Variants in GFPT2 observed in about 807,000 individuals in gnomAD.
GFPT2 encodes the protein glutamine--fructose-6-phosphate transaminase 2.
A neutral mutation model predicts 85.6 loss-of-function variants in GFPT2; 62 were observed. The ratio of observed to expected loss-of-function variants is 0.72; its 90% CI spans 0.59 to 0.90. The LOEUF (loss-of-function observed/expected upper bound fraction) is 0.90, where lower values mean the gene tolerates loss of function less well. Among genes scored for constraint, GFPT2 ranks in the 40% least tolerant of loss-of-function variants. GFPT2 has a pLI of 0.00. For synonymous variants in GFPT2, 368 were observed against 344.5 expected (o/e 1.07, Z -0.75); for missense variants, 788 against 893.4 (o/e 0.88, Z 1.50).
At chr5:180,317,598 A>C (rs1561875830) in intron 10 of GFPT2, among the ~76,000 whole-genome samples, 1 of 148,144 alleles carries the variant, frequency 6.8e-6, no homozygotes, top group Non-Finnish European at 1.5e-5. Flanking sequence ...TCTCTACTAA[A>C]AATACAAAAA....
Position 180,328,354 on chromosome 5 carries a change from C to A in GFPT2, c.535-16G>T. ...ATGCACCTTCCTGAAAACACACAAA[C>A]AGTGAGGGTCAACGCGTTCCAGCAG... On this transcript the variant is annotated splice_polypyrimidine_tract_variant and intron_variant, in intron 6 of 18. Coordinates refer to ENST00000253778, the MANE Select transcript of GFPT2 (RefSeq NM_005110.4). The surrounding 1 kb of genome is among the most constrained non-coding windows in gnomAD (Gnocchi z 5.4). 1 of 1,605,114 alleles carries A rather than the reference C, an allele frequency of 6.2e-7. No individual in the cohort carries two copies. Among genetic ancestry groups the A allele is most frequent in the Non-Finnish European group, 8.5e-7 (1 of 1,172,262 alleles).
rs375659031 is a variant in GFPT2 at position 180,304,847 on chromosome 5, G to A, written c.1767C>T (p.Pro589=). Residue 589 remains proline, a synonymous_variant, in exon 17 of 19, where the codon CCC becomes CCT. Transcript: ENST00000253778. ...GATCCTTCATAATGACCATGATGACGGGCATCTGCTTGTCAATCAGTGCCA... is the reference window on the plus strand; with the variant it reads ...GATCCTTCATAATGACCATGATGACAGGCATCTGCTTGTCAATCAGTGCCA... ...GPLALIDKQM[P]VIMVIMKDPC... 3.2e-5 allele frequency: 52 copies of A among 1,613,434 alleles called. No homozygotes were observed. Among genetic ancestry groups the A allele is most frequent in the Middle Eastern group, 3.3e-4 (2 of 6,076 alleles).
chr5:180,336,817 T>G (rs572492624), intron 2 of GFPT2, among the ~76,000 whole-genome samples: 9 of 152,244 alleles, frequency 5.9e-5, no homozygotes, highest in Non-Finnish European at 1.2e-4. Flanking sequence ...TGCTCCTGCC[T>G]AGCTAGGGTG....
chr5:180,328,914 G>C lies in GFPT2; in HGVS notation c.535-576C>G, dbSNP rs1302847810. On this transcript the variant is annotated intron_variant, in intron 6 of 18. Coordinates refer to ENST00000253778, the MANE Select transcript of GFPT2 (RefSeq NM_005110.4). The surrounding 1 kb of genome is among the most constrained non-coding windows in gnomAD (Gnocchi z 5.4). The stretch of plus-strand genomic sequence containing the variant: ...ATCCGGAGACCCAAGAGAAGCACAG[G>C]TTGTCATGACCGTTACTGCTATTAT... 6.6e-6 allele frequency among the ~76,000 whole-genome samples: 1 copy of C among 152,210 alleles called. No individual in the cohort carries two copies. Among genetic ancestry groups the C allele is most frequent in the East Asian group, 1.9e-4 (1 of 5,200 alleles).
chr5:180,306,942 T>C (rs1488048481), intron 16 of GFPT2, among the ~76,000 whole-genome samples: 1 of 152,186 alleles, frequency 6.6e-6, no homozygotes, highest in Non-Finnish European at 1.5e-5. Flanking sequence ...TGTCCCTTTC[T>C]CCTCAGTAGA....
In GFPT2 at chr5:180,317,015, T is replaced by A. The variant is rs1402597116; in HGVS notation, c.1002A>T (p.Pro334=). Residue 334 remains proline, a synonymous_variant, in exon 11 of 19, where the codon CCA becomes CCT. Coordinates refer to ENST00000253778, the MANE Select transcript of GFPT2 (RefSeq NM_005110.4). ...CTCTCATAGTATTGAAAACTGATTC[T>A]GGCTGTTCGAAGATCTCCTTCTGCA... ...AFMQKEIFEQ[P]ESVFNTMRGR... 1.9e-6 allele frequency: 3 copies of A among 1,612,398 alleles called. No homozygotes were observed. The South Asian group carries it at 3.3e-5, about 18-fold the overall frequency.
At chr5:180,324,391 T>C in intron 8 of GFPT2, 86 bp from the exon 9 acceptor site, 3 of 802,134 alleles carry the variant, frequency 3.7e-6, no homozygotes, top group Middle Eastern at 2.7e-4. Context: ...CCCCTCTGAA[T>C]ATGTGTGGGA....
chr5:180,342,732 T>G (rs1254241591), intron 1 of GFPT2, among the ~76,000 whole-genome samples: 1 of 152,050 alleles, frequency 6.6e-6, no homozygotes, highest in Non-Finnish European at 1.5e-5. Flanking sequence ...AAACCCTGTC[T>G]GAACTTAAAA....
chr5:180,305,017 A>C, intron 16 of GFPT2, 78 bp from the exon 17 acceptor site: 1 of 1,012,202 alleles, frequency 9.9e-7, no homozygotes, highest in Non-Finnish European at 1.5e-6. Context: ...AAGAAGGGGA[A>C]CCAGGGGAAG....
Position 180,316,369 on chromosome 5 carries a change from A to G in GFPT2, c.1245T>C (p.Asp415=), listed in dbSNP as rs371463333. ...ACTGGCTGATGAAAAAGCAAACGTC[A>G]TCCCTGAACACAGGTGTGTTCCTGT... ...FLDRNTPVFR[D]DVCFFISQSG... The change falls in exon 13 of 19, where the codon GAT becomes GAC. Residue 415 remains aspartate (D), a synonymous_variant. Coordinates refer to ENST00000253778, the MANE Select transcript of GFPT2 (RefSeq NM_005110.4). 3.1e-6 allele frequency: 5 copies of G among 1,614,040 alleles called. No homozygotes were observed. In the African/African-American group the frequency reaches 6.7e-5, roughly 22 times the overall value.
intron 10 of GFPT2, among the ~76,000 whole-genome samples, chr5:180,317,287 A>C (rs1043715566): frequency 2.6e-5 from 4 of 152,190 alleles, no homozygotes; most frequent in African/African-American, 9.7e-5. Flanking sequence ...GATTTGCCCA[A>C]GGCATGCAAG....
chr5:180,348,889 G>C (rs1002850437), intron 1 of GFPT2, among the ~76,000 whole-genome samples: 1 of 151,558 alleles, frequency 6.6e-6, no homozygotes, highest in Non-Finnish European at 1.5e-5. Context: ...CTACAGGTGC[G>C]TGCCACCACA....
chr5:180,335,786 G>C (rs764728042), intron 4 of GFPT2, 42 bp downstream of exon 4: 25 of 1,589,440 alleles, frequency 1.6e-5, no homozygotes, highest in Non-Finnish European at 2.0e-5. Flanking sequence ...ACACAGCTCA[G>C]GGTGAGGTGG....
Position 180,330,960 on chromosome 5 carries a change from A to AG in GFPT2, c.400-127dup. The AG allele has an allele frequency of 1.2e-6, 1 of 837,178 alleles. No homozygotes were observed. Among genetic ancestry groups the AG allele is most frequent in the South Asian group, 1.8e-5 (1 of 54,990 alleles). 51.9% of individuals were successfully genotyped at this position (837,178 alleles called of 1,614,324 possible). ...AAGTCAAGAACAGGGAAAACCGGGA[A>AG]GGGGGGAAAAATGTTTGCCAGCATC... On this transcript the variant is annotated intron_variant, in intron 5 of 18. Coordinates refer to ENST00000253778, the MANE Select transcript of GFPT2 (RefSeq NM_005110.4). This position sits in a 1 kb window ranked among gnomAD's most constrained non-coding sequence, Gnocchi z 4.4.
In GFPT2 at chr5:180,301,304, T is replaced by TGG; in HGVS notation, c.*259_*260insCC. 1 of 542,186 alleles carries TGG rather than the reference T, an allele frequency of 1.8e-6. No homozygotes were observed. The allele number at this position is 542,186 out of a possible 1,614,324, so 33.6% of individuals were successfully genotyped here. ...ACTCTGAAGAGAGCTGTATCTCTAT[T>TGG]GCACAGTAGTGGAGAAGTCTGCTCT... On this transcript the variant is annotated 3_prime_UTR_variant, in exon 19 of 19. Coordinates refer to ENST00000253778, the MANE Select transcript of GFPT2 (RefSeq NM_005110.4).
chr5:180,348,253 C>T (rs1352973345), intron 1 of GFPT2, among the ~76,000 whole-genome samples: 3 of 152,218 alleles, frequency 2.0e-5, no homozygotes, highest in African/African-American at 2.4e-5. Flanking sequence ...AATGAGGGCT[C>T]GTGAAATTCC....
intron 9 of GFPT2, among the ~76,000 whole-genome samples, chr5:180,321,989 G>T: frequency 6.6e-6 from 1 of 151,572 alleles, no homozygotes; most frequent in East Asian, 1.9e-4. Context: ...GGGTTTCACC[G>T]TGTTGGCCAG....
Position 180,301,209 on chromosome 5 carries a change from T to C in GFPT2, c.*355A>G, listed in dbSNP as rs537580048. 8 of 319,126 alleles carry C rather than the reference T, an allele frequency of 2.5e-5. No homozygotes were observed. Among genetic ancestry groups the C allele is most frequent in the Admixed American group, 1.3e-4 (3 of 22,448 alleles). 19.8% of individuals were successfully genotyped at this position (319,126 alleles called of 1,614,324 possible). A position where few individuals can be genotyped will look rare whatever the true frequency, so the allele number is the denominator to read the frequency against. ...TACTAGAAAAATAACTTAAAAGCTA[T>C]ACAGTCGTCATTATAAATATCTTGT... On this transcript the variant is annotated 3_prime_UTR_variant, in exon 19 of 19. Coordinates refer to ENST00000253778, the MANE Select transcript of GFPT2 (RefSeq NM_005110.4).
intron 1 of GFPT2, among the ~76,000 whole-genome samples, chr5:180,344,406 T>C (rs1764570954): frequency 6.6e-6 from 1 of 152,144 alleles, no homozygotes; most frequent in Non-Finnish European, 1.5e-5. Context: ...TAGGTGGTGA[T>C]GAGTACATCA....
Sources: gnomAD v4.1 joint callset for allele counts (sites outside exome capture counted in the v4.1 genomes callset) on GRCh38, gnomAD v4.1.1 for gene constraint, Gnocchi (gnomAD v3.1) non-coding constraint, MANE v1.5 for transcripts, NCBI Gene and HGNC (gene_info 2026-07-23, HGNC 2026-07-21) for gene names.